AKAP1: variants seen among roughly 807,000 people sequenced by gnomAD.
The protein encoded by AKAP1 is A-kinase anchoring protein 1.
AKAP1 carries 32 observed loss-of-function variants against 79.8 expected under a neutral mutation model. The observed-to-expected ratio is 0.40, with a 90% CI of 0.30 to 0.54. The LOEUF (loss-of-function observed/expected upper bound fraction) is 0.54, where lower values mean the gene tolerates loss of function less well. Among genes scored for constraint, AKAP1 ranks in the 20% least tolerant of loss-of-function variants. AKAP1 has a pLI of 0.47. For missense variants in AKAP1, 961 were observed against 1,138.9 expected (o/e 0.84, Z 2.25); for synonymous variants, 416 against 466.7 (o/e 0.89, Z 1.40).
chr17:57,095,475 T>TC (rs1169486532), intron 1 of AKAP1: 1 of 150,436 alleles, frequency 6.6e-6, no homozygotes, highest in African/African-American at 2.4e-5. Context: ...TTTTTTTTTT[T>TC]TTTTTTTTTT....
intron 1 of AKAP1, among the ~76,000 whole-genome samples, chr17:57,087,867 G>A (rs1913556660): frequency 6.6e-6 from 1 of 152,206 alleles, no homozygotes; most frequent in South Asian, 2.1e-4. Flanking sequence ...TGTAGCCAAT[G>A]TACCCAGAGA....
chr17:57,105,300 G>C, intron 1 of AKAP1, 141 bp from the exon 2 acceptor site: 1 of 787,300 alleles, frequency 1.3e-6, no homozygotes. Flanking sequence ...CGAGCTGAGA[G>C]GTGTGCTCCT....
chr17:57,095,534 A>G (rs1474224281), intron 1 of AKAP1: 2 of 144,072 alleles, frequency 1.4e-5, no homozygotes, highest in Non-Finnish European at 1.5e-5. Flanking sequence ...CCTCGAGGGC[A>G]GTGCCTTGCC....
intron 9 of AKAP1, 151 bp from the exon 10 acceptor site, chr17:57,118,831 G>GA: frequency 1.2e-6 from 1 of 820,594 alleles, no homozygotes. Context: ...ACTATGACGA[G>GA]AACAGCATGG....
chr17:57,105,982 G>A lies in AKAP1; in HGVS notation c.518G>A (p.Arg173Lys). The A allele has an allele frequency of 6.2e-7, 1 of 1,614,204 alleles. No individual in the cohort carries two copies. The highest frequency in any genetic ancestry group is 8.5e-7 in the Non-Finnish European group (1 of 1,180,050). The change falls in exon 2 of 11, where the codon AGG (arginine) becomes AAG (lysine). Residue 173 changes from arginine (R) to lysine (K), a missense_variant. Transcript: ENST00000337714. ...EVCKQDSPFS[R>K]VPRKVQPGYP... ...TGTAAGCAAGATTCCCCCTTCAGCA[G>A]GGTGCCAAGGAAGGTCCAGCCAGGC...
chr17:57,114,903 T>C (rs1381876433), intron 6 of AKAP1, among the ~76,000 whole-genome samples: 2 of 104,824 alleles, frequency 1.9e-5, no homozygotes, highest in East Asian at 4.0e-4. Flanking sequence ...TAATTTTTTC[T>C]TTTTTTTTTC....
rs929735064 is a variant in AKAP1 at position 57,106,770 on chromosome 17, G to A, written c.1306G>A (p.Val436Met). ...AEGSPPPKTY[V>M]SCLKSLLSSP... ...GGGCTCACCACCACCAAAGACCTAC[G>A]TGAGCTGCCTGAAGAGCCTTCTGTC... Residue 436 changes from valine (V) to methionine (M), a missense_variant, in exon 2 of 11, where the codon GTG becomes ATG. Physicochemically the swap from Val to Met is conservative, Grantham distance 21. Around this residue, in one of 3 missense-constraint regions of AKAP1, gnomAD observed 629 missense variants for 781.1 expected, o/e 0.81. Coordinates refer to ENST00000337714, the MANE Select transcript of AKAP1 (RefSeq NM_003488.4). 2.3e-5 allele frequency: 37 copies of A among 1,613,946 alleles called. No individual in the cohort carries two copies. Among genetic ancestry groups the A allele is most frequent in the Non-Finnish European group, 2.9e-5 (34 of 1,180,042 alleles).
At chr17:57,087,520 G>C (rs721426) in intron 1 of AKAP1, among the ~76,000 whole-genome samples, 52,147 of 152,088 alleles carry the variant, frequency 0.34, 9,885 homozygotes, top group Admixed American at 0.43. Context: ...CCATATTTTA[G>C]GGGAAGGCTG....
In AKAP1 at chr17:57,088,563, C is replaced by T. The variant is rs114444764; in HGVS notation, c.-25+3165C>T. Among the ~76,000 whole-genome samples the T allele has an allele frequency of 2.5e-3, 382 of 152,220 alleles. 2 individuals carry two copies. Among genetic ancestry groups the T allele is most frequent in the African/African-American group, 8.7e-3 (360 of 41,538 alleles). The stretch of plus-strand genomic sequence containing the variant: ...ATTGAGGGGTAGAGGAACTAGGAAG[C>T]GTGGGTGTGGAGTTAAAACTAGGTC... On this transcript the variant is annotated intron_variant, in intron 1 of 10. Coordinates refer to ENST00000337714, the MANE Select transcript of AKAP1 (RefSeq NM_003488.4).
At chr17:57,102,114 T>A (rs571515801) in intron 1 of AKAP1, among the ~76,000 whole-genome samples, 21 of 152,068 alleles carry the variant, frequency 1.4e-4, no homozygotes, top group South Asian at 4.2e-4. Context: ...TGAAAAAAAA[T>A]TTTTTAAGGG....
chr17:57,111,116 G>A (rs555233677), intron 3 of AKAP1, among the ~76,000 whole-genome samples: 2 of 152,222 alleles, frequency 1.3e-5, no homozygotes, highest in Non-Finnish European at 2.9e-5. Flanking sequence ...GAAAGGCTGT[G>A]CCTGAGGATG....
rs765487659 is a variant in AKAP1 at position 57,106,529 on chromosome 17, G to T, written c.1065G>T (p.Val355=). 6.2e-7 allele frequency: 1 copy of T among 1,614,206 alleles called. No individual in the cohort carries two copies. Among genetic ancestry groups the T allele is most frequent in the Non-Finnish European group, 8.5e-7 (1 of 1,180,040 alleles). ...CTGCCTTCCAGATAATCTCCCAAGT[G>T]ATCTCAGAAGCAACCGAACAGGTGC... The part of the protein sequence containing the change: ...KRAAFQIISQ[V]ISEATEQVLA... Residue 355 remains valine (V), a synonymous_variant, in exon 2 of 11, where the codon GTG becomes GTT. Coordinates refer to ENST00000337714, the MANE Select transcript of AKAP1 (RefSeq NM_003488.4).
intron 2 of AKAP1, among the ~76,000 whole-genome samples, chr17:57,108,923 G>A (rs1354278921): frequency 6.6e-6 from 1 of 152,238 alleles, no homozygotes; most frequent in Non-Finnish European, 1.5e-5. Flanking sequence ...CTGTCAGCCT[G>A]TTATGCTTCC....
At chr17:57,109,899 C>T (rs570612548) in intron 2 of AKAP1, 126 bp from the exon 3 acceptor site, 1 of 1,293,994 alleles carries the variant, frequency 7.7e-7, no homozygotes, top group Non-Finnish European at 1.1e-6. Context: ...TGACAGTCAC[C>T]TGCCAAGCTT....
intron 1 of AKAP1, among the ~76,000 whole-genome samples, chr17:57,087,966 C>T (rs1045713183): frequency 7.2e-5 from 11 of 152,144 alleles, no homozygotes; most frequent in African/African-American, 2.4e-4. Flanking sequence ...GGTCTGTTTT[C>T]CTATTGTGGG....
At chr17:57,088,822 GGTT>G (rs1446412994) in intron 1 of AKAP1, among the ~76,000 whole-genome samples, 1 of 152,190 alleles carries the variant, frequency 6.6e-6, no homozygotes, top group African/African-American at 2.4e-5. Context: ...TTCACCATCT[GGTT>G]GTTTTTCCGG....
intron 1 of AKAP1, chr17:57,095,465 T>C (rs1295410413): frequency 3.6e-5 from 2 of 55,522 alleles, no homozygotes; most frequent in South Asian, 9.0e-4. Context: ...CTGTTTGGGC[T>C]TTTTTTTTTT....
chr17:57,105,573 G>A lies in AKAP1; in HGVS notation c.109G>A (p.Asp37Asn). Residue 37 changes from aspartate (D) to asparagine (N), a missense_variant, in exon 2 of 11, where the codon GAT (aspartate) becomes AAT (asparagine). Physicochemically the swap from Asp to Asn is conservative, Grantham distance 23. This residue lies in a region of AKAP1 where 108 missense variants were observed against 147.6 expected (regional missense o/e 0.73). Transcript: ENST00000337714. The part of the protein sequence containing the change: ...SRKKGHVSSH[D>N]EQQVEAGAVQ... Reference sequence around the variant, plus strand: ...TAAAAAAGGCCATGTCAGCAGCCATGATGAGCAGCAGGTGGAGGCTGGTGC... The same window carrying A: ...TAAAAAAGGCCATGTCAGCAGCCATAATGAGCAGCAGGTGGAGGCTGGTGC... 6.2e-7 allele frequency: 1 copy of A among 1,614,190 alleles called. No individual in the cohort carries two copies. The highest frequency in any genetic ancestry group is 8.5e-7 in the Non-Finnish European group (1 of 1,180,034).
Position 57,112,497 on chromosome 17 carries a change from A to G in AKAP1, c.1982A>G (p.Gln661Arg), listed in dbSNP as rs1275847286. 19 of 1,613,600 alleles carry G rather than the reference A, an allele frequency of 1.2e-5. No individual in the cohort carries two copies. The highest frequency in any genetic ancestry group is 1.6e-5 in the Non-Finnish European group (19 of 1,179,858). ...GCCCCCATCCGCTATTTAGGCTCTCAACATCATGTAGACAAAGCGCTGAAC... is the reference window on the plus strand; with the variant it reads ...GCCCCCATCCGCTATTTAGGCTCTCGACATCATGTAGACAAAGCGCTGAAC... ...SVQICHIEGS[Q>R]HHVDKALNLI... The change falls in exon 5 of 11, where the codon CAA becomes CGA. Residue 661 changes from glutamine (Q) to arginine (R), a missense_variant. Transcript: ENST00000337714.
Sources: gnomAD v4.1 joint callset for allele counts (sites outside exome capture counted in the v4.1 genomes callset) on GRCh38, gnomAD v4.1.1 for gene constraint, gnomAD v4.1.1 regional missense constraint, MANE v1.5 for transcripts, NCBI Gene and HGNC (gene_info 2026-07-23, HGNC 2026-07-21) for gene names.